Variants in FAM171A1 observed in about 807,000 individuals in gnomAD.
The protein encoded by FAM171A1 is family with sequence similarity 171 member A1.
In FAM171A1, 23 loss-of-function variants were observed where a neutral mutation model predicts 74.9. The ratio of observed to expected loss-of-function variants is 0.31; its 90% confidence interval spans 0.22 to 0.44. FAM171A1 has a LOEUF of 0.44. Among genes scored for constraint, FAM171A1 ranks in the 20% least tolerant of loss-of-function variants. FAM171A1 has a pLI of 1.00. For synonymous variants in FAM171A1, 527 were observed against 505.7 expected, an observed-to-expected ratio of 1.04 and a Z score of -0.57; for missense variants, 1,162 against 1,159.2, an observed-to-expected ratio of 1.00 and a Z score of -0.03.
intron 1 of FAM171A1, among the ~76,000 whole-genome samples, chr10:15,298,618 T>C (rs12268419): frequency 0.015 from 2,268 of 152,314 alleles, 71 homozygotes; most frequent in East Asian, 0.1. Context: ...CGATGCTACA[T>C]ATGGCTCCAA....
intron 1 of FAM171A1, among the ~76,000 whole-genome samples, chr10:15,338,033 A>G (rs1405757268): frequency 6.6e-6 from 1 of 152,206 alleles, no homozygotes; most frequent in Admixed American, 6.5e-5. Flanking sequence ...TATTTAAAAA[A>G]CAAAGAATTC....
chr10:15,298,753 G>A (rs563251254), intron 1 of FAM171A1, among the ~76,000 whole-genome samples: 1 of 152,148 alleles, frequency 6.6e-6, no homozygotes, highest in African/African-American at 2.4e-5. Flanking sequence ...CTATACCACG[G>A]AAATGTAAAT....
chr10:15,309,034 T>C (rs926742718), intron 1 of FAM171A1, among the ~76,000 whole-genome samples: 1 of 152,182 alleles, frequency 6.6e-6, no homozygotes, highest in African/African-American at 2.4e-5. Context: ...CCAAATAAAA[T>C]CTTAGCATGA....
intron 1 of FAM171A1, among the ~76,000 whole-genome samples, chr10:15,284,343 T>A (rs1356073607): frequency 6.6e-6 from 1 of 152,202 alleles, no homozygotes; most frequent in Non-Finnish European, 1.5e-5. Flanking sequence ...TCTTTACTAC[T>A]GCCTGCTCAA....
intron 6 of FAM171A1, among the ~76,000 whole-genome samples, chr10:15,218,672 G>A (rs1833998192): frequency 6.6e-6 from 1 of 152,024 alleles, no homozygotes; most frequent in Non-Finnish European, 1.5e-5. Flanking sequence ...ATAGCTCACT[G>A]CAGCCTTGAA....
upstream of FAM171A1, among the ~76,000 whole-genome samples, chr10:15,371,493 G>C (rs1486775763): frequency 2.6e-5 from 4 of 151,836 alleles, no homozygotes; most frequent in African/African-American, 7.2e-5. Context: ...TTTCAGGGCG[G>C]AGCCCTTTTC....
chr10:15,324,050 C>G (rs1350182698), intron 1 of FAM171A1, among the ~76,000 whole-genome samples: 1 of 152,152 alleles, frequency 6.6e-6, no homozygotes, highest in Non-Finnish European at 1.5e-5. Flanking sequence ...ACTTTTAGCT[C>G]TAATTCCTGA....
At chr10:15,218,754 C>T (rs1833999099) in intron 6 of FAM171A1, among the ~76,000 whole-genome samples, 1 of 152,092 alleles carries the variant, frequency 6.6e-6, no homozygotes, top group Non-Finnish European at 1.5e-5. Context: ...GCTACCATCA[C>T]TGGCTAATTA....
intron 1 of FAM171A1, among the ~76,000 whole-genome samples, chr10:15,346,242 C>T (rs556483111): frequency 5.9e-5 from 9 of 152,232 alleles, no homozygotes; most frequent in African/African-American, 1.9e-4. Context: ...ACTACTGGTG[C>T]GCATCACCAT....
At chr10:15,356,083 T>C (rs1329846665) in intron 1 of FAM171A1, among the ~76,000 whole-genome samples, 1 of 152,046 alleles carries the variant, frequency 6.6e-6, no homozygotes, top group South Asian at 2.1e-4. Context: ...AAAATAAACA[T>C]AAACATCGTA....
At chr10:15,359,348 T>C (rs1360159554) in intron 1 of FAM171A1, among the ~76,000 whole-genome samples, 2 of 152,174 alleles carry the variant, frequency 1.3e-5, no homozygotes, top group Non-Finnish European at 2.9e-5. Context: ...CTGCCTTTTT[T>C]CCTTGCAATG....
intron 1 of FAM171A1, among the ~76,000 whole-genome samples, chr10:15,289,155 C>T (rs760627387): frequency 2.6e-5 from 4 of 152,120 alleles, no homozygotes; most frequent in Non-Finnish European, 5.9e-5. Context: ...ACAGGGGCAT[C>T]ATCGTTATAG....
intron 3 of FAM171A1, among the ~76,000 whole-genome samples, chr10:15,256,586 G>A (rs765473192): frequency 2.6e-5 from 4 of 152,206 alleles, no homozygotes; most frequent in Non-Finnish European, 5.9e-5. Context: ...TCTAGCTCCA[G>A]ACCATCGATT....
intron 2 of FAM171A1, among the ~76,000 whole-genome samples, chr10:15,279,027 C>G (rs1198097680): frequency 6.6e-6 from 1 of 152,092 alleles, no homozygotes; most frequent in Non-Finnish European, 1.5e-5. Flanking sequence ...AACGAGGATG[C>G]CTGGGTCTTC....
intron 3 of FAM171A1, among the ~76,000 whole-genome samples, chr10:15,271,316 G>A (rs568752976): frequency 1.4e-4 from 21 of 152,216 alleles, no homozygotes; most frequent in South Asian, 1.0e-3. Flanking sequence ...GAAATAAAGC[G>A]AGAAGAGAAG....
At chr10:15,318,459 T>G (rs1047343407) in intron 1 of FAM171A1, among the ~76,000 whole-genome samples, 1 of 152,110 alleles carries the variant, frequency 6.6e-6, no homozygotes, top group African/African-American at 2.4e-5. Flanking sequence ...GCAATCAACT[T>G]TGGCCTCTTG....
At chr10:15,342,615 C>T (rs896788927) in intron 1 of FAM171A1, among the ~76,000 whole-genome samples, 4 of 152,118 alleles carry the variant, frequency 2.6e-5, no homozygotes, top group Non-Finnish European at 5.9e-5. Flanking sequence ...GTTGCTGCAA[C>T]AGGCTTCTGT....
intron 5 of FAM171A1, chr10:15,237,781 C>T (rs1834312391): frequency 1.4e-5 from 1 of 72,508 alleles, no homozygotes; most frequent in South Asian, 7.5e-4. Context: ...ACATTACCCC[C>T]TTTTCCCCTA....
intron 5 of FAM171A1, among the ~76,000 whole-genome samples, chr10:15,223,891 T>A (rs1345607344): frequency 6.6e-6 from 1 of 152,020 alleles, no homozygotes; most frequent in Non-Finnish European, 1.5e-5. Context: ...AGAGCAAGAT[T>A]CTATCTCAAT....
Sources: gnomAD v4.1 joint callset for allele counts (sites outside exome capture counted in the v4.1 genomes callset) on GRCh38, gnomAD v4.1.1 for gene constraint, MANE v1.5 for transcripts, NCBI Gene and HGNC (gene_info 2026-07-23, HGNC 2026-07-21) for gene names.